HEXB: variants seen among roughly 807,000 people sequenced by gnomAD.
HEXB encodes beta-hexosaminidase subunit beta.
In HEXB, 51 loss-of-function variants were observed where a neutral mutation model predicts 71.2. The ratio of observed to expected loss-of-function variants is 0.72; its 90% CI spans 0.57 to 0.90. The LOEUF is 0.90. HEXB is among the 40% of genes least tolerant of loss of function. The pLI is 0.00. For missense variants in HEXB, 617 were observed against 677.0 expected (o/e 0.91, Z 0.98); for synonymous variants, 266 against 249.3 (o/e 1.07, Z -0.63).
chr5:74,712,259 C>T lies in HEXB; in HGVS notation c.772-1247C>T, dbSNP rs1314305182. Among the ~76,000 whole-genome samples the T allele has an allele frequency of 3.6e-5, 5 of 140,808 alleles. No individual in the cohort carries two copies. In the East Asian group the frequency reaches 6.4e-4, roughly 18 times the overall value. The allele number at this position is 140,808 out of a possible 152,430, so 92.4% of individuals were successfully genotyped here. On this transcript the variant is annotated intron_variant, in intron 6 of 13. Transcript: ENST00000261416. Reference sequence around the variant, plus strand: ...GAACACATGGACACAGGAAGGGGAACATCACACACTGGGGACTGTTGTGGG... The same window carrying T: ...GAACACATGGACACAGGAAGGGGAATATCACACACTGGGGACTGTTGTGGG...
At chr5:74,707,157 C>T (rs570802942) in intron 6 of HEXB, among the ~76,000 whole-genome samples, 3 of 152,302 alleles carry the variant, frequency 2.0e-5, no homozygotes, top group South Asian at 4.1e-4. Context: ...TCTGCAGACA[C>T]CGCTGCTGAT....
intron 1 of HEXB, among the ~76,000 whole-genome samples, chr5:74,646,502 T>C (rs1018694029): frequency 1.3e-5 from 2 of 152,116 alleles, no homozygotes; most frequent in Non-Finnish European, 2.9e-5. Context: ...CATCTGTTAT[T>C]GATACTGTCT....
At chr5:74,679,338 GAGAAAT>G (rs1388244897) in intron 1 of HEXB, among the ~76,000 whole-genome samples, 3 of 152,172 alleles carry the variant, frequency 2.0e-5, no homozygotes, top group Admixed American at 2.0e-4. Context: ...TTGGAAACTG[GAGAAAT>G]AGATCCTTCT....
chr5:74,685,696 G>C (rs1242468466), intron 1 of HEXB, 137 bp downstream of exon 1: 1 of 746,442 alleles, frequency 1.3e-6, no homozygotes, highest in Non-Finnish European at 2.1e-6. Context: ...TCTGCCCAGC[G>C]CCACATGGAC....
chr5:74,669,751 C>T (rs1442078489), intron 1 of HEXB, among the ~76,000 whole-genome samples: 1 of 151,968 alleles, frequency 6.6e-6, no homozygotes, highest in Non-Finnish European at 1.5e-5. Context: ...ACAGTGTGGT[C>T]TTGGCATAAA....
At chr5:74,698,586 T>A (rs1749174552) in intron 5 of HEXB, among the ~76,000 whole-genome samples, 1 of 151,034 alleles carries the variant, frequency 6.6e-6, no homozygotes, top group South Asian at 2.1e-4. Flanking sequence ...GAGACAGGGT[T>A]TCACCATGTT....
intron 1 of HEXB, among the ~76,000 whole-genome samples, chr5:74,661,028 G>A (rs568468553): frequency 6.5e-4 from 99 of 152,222 alleles, no homozygotes; most frequent in Middle Eastern, 6.8e-3. Flanking sequence ...GAGAGAGAGA[G>A]AGATAGAGAG....
At chr5:74,701,991 A>T (rs1749271322) in intron 5 of HEXB, among the ~76,000 whole-genome samples, 1 of 150,606 alleles carries the variant, frequency 6.6e-6, no homozygotes, top group Admixed American at 6.6e-5. Flanking sequence ...TCCACATCCC[A>T]TCCAAAATCA....
chr5:74,672,628 C>G (rs548600120), intron 1 of HEXB, among the ~76,000 whole-genome samples: 2 of 152,352 alleles, frequency 1.3e-5, no homozygotes, highest in African/African-American at 4.8e-5. Flanking sequence ...AGAGGGCAGG[C>G]TGACATGCCA....
At chr5:74,702,367 C>T (rs367599848) in intron 5 of HEXB, among the ~76,000 whole-genome samples, 10 of 152,192 alleles carry the variant, frequency 6.6e-5, no homozygotes, top group South Asian at 4.1e-4. Flanking sequence ...CGTGAGCCAC[C>T]GCGCCCGGCC....
intron 8 of HEXB, 26 bp downstream of exon 8, chr5:74,715,716 T>TAAAAA (rs373945141): frequency 1.3e-4 from 156 of 1,206,236 alleles, no homozygotes; most frequent in Middle Eastern, 1.0e-3. Flanking sequence ...AAAACCCCTT[T>TAAAAA]AAAAAAAAAA....
chr5:74,670,993 TCC>T (rs1282953180), intron 1 of HEXB, among the ~76,000 whole-genome samples: 2 of 152,072 alleles, frequency 1.3e-5, no homozygotes, highest in Admixed American at 1.3e-4. Flanking sequence ...TCTGCAGCAA[TCC>T]CAGGTCCCAG....
In HEXB at chr5:74,713,596, G is replaced by C. The variant is rs750645495; in HGVS notation, c.862G>C (p.Glu288Gln). The change falls in exon 7 of 14, where the codon GAA (glutamate) becomes CAA (glutamine). Residue 288 changes from glutamate to glutamine, a missense_variant. Coordinates refer to ENST00000261416, the MANE Select transcript of HEXB (RefSeq NM_000521.4). ...ATTACGAGGAATTCGAGTCCTGCCA[G>C]AATTTGATACCCCTGGGCATACACT... is the stretch of plus-strand genomic sequence containing the variant. ...ARLRGIRVLP[E>Q]FDTPGHTLSW... is the part of the protein sequence containing the mutation. 6.2e-6 allele frequency: 10 copies of C among 1,613,534 alleles called. No individual in the cohort carries two copies. The highest frequency in any genetic ancestry group is 8.5e-6 in the Non-Finnish European group (10 of 1,179,442).
Position 74,685,312 on chromosome 5 carries a change from C to G in HEXB, c.52C>G (p.Leu18Val), listed in dbSNP as rs761771731. Residue 18 changes from leucine to valine, a missense_variant, in exon 1 of 14, where the codon CTG becomes GTG. Leu to Val is a conservative substitution (Grantham distance 32). Coordinates refer to ENST00000261416, the MANE Select transcript of HEXB (RefSeq NM_000521.4). ...LPRPPMLLALLLATLLAAMLA... is the reference protein window; with the variant it reads ...LPRPPMLLALVLATLLAAMLA... Reference sequence around the variant, plus strand: ...CCGGCCGCCCATGCTGCTGGCGCTGCTGTTGGCGACACTGCTGGCGGCGAT... The same window carrying G: ...CCGGCCGCCCATGCTGCTGGCGCTGGTGTTGGCGACACTGCTGGCGGCGAT... 6.4e-7 allele frequency: 1 copy of G among 1,567,900 alleles called. No homozygotes were observed. The highest frequency in any genetic ancestry group is 1.4e-5 in the African/African-American group (1 of 73,690).
chr5:74,720,329 T>C (rs1749796098), intron 11 of HEXB, 99 bp from the exon 12 acceptor site: 1 of 923,012 alleles, frequency 1.1e-6, no homozygotes, highest in South Asian at 1.3e-5. Context: ...GCAAGAAATG[T>C]TGCCCTAGGA....
chr5:74,713,842 G>C (rs1016550647), intron 7 of HEXB, among the ~76,000 whole-genome samples: 1 of 150,730 alleles, frequency 6.6e-6, no homozygotes, highest in Non-Finnish European at 1.5e-5. Context: ...TTTTGTTTTT[G>C]TTTTGTTTTG....
intron 1 of HEXB, among the ~76,000 whole-genome samples, chr5:74,673,570 G>A (rs1305960033): frequency 1.3e-5 from 2 of 152,088 alleles, no homozygotes; most frequent in East Asian, 1.9e-4. Context: ...TGTGTCCTCC[G>A]GTAGAACAGA....
chr5:74,719,548 G>A (rs1659123075), intron 11 of HEXB, among the ~76,000 whole-genome samples: 1 of 152,150 alleles, frequency 6.6e-6, no homozygotes, highest in South Asian at 2.1e-4. Flanking sequence ...AAAGGATTTT[G>A]CTGTTTAAAA....
intron 5 of HEXB, among the ~76,000 whole-genome samples, chr5:74,704,357 C>A (rs1749330773): frequency 6.6e-6 from 1 of 152,068 alleles, no homozygotes; most frequent in Admixed American, 6.6e-5. Flanking sequence ...TTGGACAAAT[C>A]TTCTCCCTTA....
Sources: gnomAD v4.1 joint callset for allele counts (sites outside exome capture counted in the v4.1 genomes callset) on GRCh38, gnomAD v4.1.1 for gene constraint, MANE v1.5 for transcripts, NCBI Gene and HGNC (gene_info 2026-07-23, HGNC 2026-07-21) for gene names.